GRM8: variants seen among roughly 807,000 people sequenced by gnomAD.
GRM8 encodes metabotropic glutamate receptor 8.
Under a neutral mutation model 87.2 loss-of-function variants are expected in GRM8, and 47 were observed. That is an observed-to-expected ratio of 0.54 (90% CI 0.43 to 0.69). GRM8 has a LOEUF of 0.69. GRM8 is among the 30% of genes least tolerant of loss of function. The pLI, the probability that GRM8 is intolerant of heterozygous loss-of-function variation, is 0.00. For missense variants in GRM8, 1,019 were observed against 1,139.2 expected, an observed-to-expected ratio of 0.89 and a Z score of 1.52; for synonymous variants, 396 against 404.5, an observed-to-expected ratio of 0.98 and a Z score of 0.25.
At chr7:126,977,789 G>A (rs1317946634) in intron 3 of GRM8, among the ~76,000 whole-genome samples, 2 of 152,182 alleles carry the variant, frequency 1.3e-5, no homozygotes, top group Admixed American at 1.3e-4. Context: ...TGTCCTGGAA[G>A]AAAATAGAGC....
chr7:126,918,379 T>G (rs1804154719), intron 3 of GRM8, among the ~76,000 whole-genome samples: 6 of 152,170 alleles, frequency 3.9e-5, no homozygotes, highest in Admixed American at 3.9e-4. Flanking sequence ...TCATTAAATA[T>G]GATGTAATAA....
At chr7:127,123,682 T>A (rs539120390) in intron 2 of GRM8, among the ~76,000 whole-genome samples, 2 of 152,330 alleles carry the variant, frequency 1.3e-5, no homozygotes, top group African/African-American at 4.8e-5. Context: ...GACAACTTTA[T>A]TATTCTGCCC....
At chr7:127,193,990 G>A (rs184129025) in intron 2 of GRM8, among the ~76,000 whole-genome samples, 136 of 152,254 alleles carry the variant, frequency 8.9e-4, no homozygotes, top group East Asian at 1.2e-3. Context: ...TCTCAAAGAT[G>A]AGCCACCCCT....
chr7:126,939,405 T>C (rs1311950191), intron 3 of GRM8, among the ~76,000 whole-genome samples: 1 of 152,202 alleles, frequency 6.6e-6, no homozygotes, highest in African/African-American at 2.4e-5. Flanking sequence ...TCTCCACATA[T>C]CTTTGAGACT....
chr7:126,920,960 G>A (rs940607922), intron 3 of GRM8, among the ~76,000 whole-genome samples: 8 of 152,020 alleles, frequency 5.3e-5, no homozygotes, highest in East Asian at 3.9e-4. Context: ...CCACCTGCTC[G>A]AGCTAAAGTA....
chr7:127,041,941 G>C (rs922701529), intron 3 of GRM8, among the ~76,000 whole-genome samples: 9 of 152,166 alleles, frequency 5.9e-5, no homozygotes, highest in African/African-American at 2.2e-4. Flanking sequence ...ATTGAGCTCT[G>C]TTTGGTTTCC....
rs28952007 is a variant in GRM8 at position 127,234,346 on chromosome 7, T to C, written c.510+8349A>G. Among the ~76,000 whole-genome samples, 245 of 152,348 alleles carry C rather than the reference T, an allele frequency of 1.6e-3. 4 individuals are homozygous for C. In the East Asian group the frequency reaches 0.044, roughly 27 times the overall value. ...CCTGACCCTACTTTAAGAAATTGTG[T>C]TTAAGTGACCATTGCACTGATCATT... On this transcript the variant is annotated intron_variant, in intron 2 of 10. Transcript: ENST00000339582.
intron 3 of GRM8, among the ~76,000 whole-genome samples, chr7:126,996,076 G>A (rs17862254): frequency 0.011 from 1,701 of 151,886 alleles, 35 homozygotes; most frequent in African/African-American, 0.039. Context: ...GGATAAAAAC[G>A]TTTTACCCTG....
chr7:127,032,975 G>T (rs1817518164), intron 3 of GRM8, among the ~76,000 whole-genome samples: 1 of 149,200 alleles, frequency 6.7e-6, no homozygotes, highest in Non-Finnish European at 1.5e-5. Context: ...TTAATCAGTG[G>T]ATCTCCAGAA....
At chr7:126,862,107 CTA>C (rs762548304) in intron 6 of GRM8, among the ~76,000 whole-genome samples, 1 of 151,896 alleles carries the variant, frequency 6.6e-6, no homozygotes, top group Non-Finnish European at 1.5e-5. Context: ...GATTCAATAT[CTA>C]TGTGTTTAAA....
At chr7:126,619,505 A>C (rs1036922549) in intron 7 of GRM8, among the ~76,000 whole-genome samples, 9 of 152,028 alleles carry the variant, frequency 5.9e-5, no homozygotes, top group African/African-American at 9.7e-5. Context: ...CTAGAACTTA[A>C]AGTATAATAA....
chr7:127,204,040 G>T (rs1795768652), intron 2 of GRM8, among the ~76,000 whole-genome samples: 1 of 152,076 alleles, frequency 6.6e-6, no homozygotes, highest in African/African-American at 2.4e-5. Context: ...ATGTATTATA[G>T]AATCTAACTG....
intron 10 of GRM8, among the ~76,000 whole-genome samples, chr7:126,440,773 G>A (rs766644134): frequency 2.6e-5 from 4 of 151,910 alleles, no homozygotes; most frequent in Non-Finnish European, 4.4e-5. Context: ...TGATGTTTGC[G>A]CAAAGACAAA....
intron 5 of GRM8, 149 bp from the exon 6 acceptor site, chr7:126,902,828 A>G: frequency 5.5e-6 from 3 of 544,904 alleles, no homozygotes; most frequent in Non-Finnish European, 9.4e-6. Flanking sequence ...GCCCATAAAT[A>G]AGGCCTCTCT....
chr7:127,090,317 A>G (rs1823932004), intron 3 of GRM8, among the ~76,000 whole-genome samples: 1 of 152,214 alleles, frequency 6.6e-6, no homozygotes. Flanking sequence ...GGTACCAATT[A>G]TGTGTTAAAT....
intron 1 of GRM8, among the ~76,000 whole-genome samples, chr7:127,251,748 C>G (rs1484606158): frequency 1.3e-5 from 2 of 151,682 alleles, no homozygotes; most frequent in Non-Finnish European, 2.9e-5. Flanking sequence ...CCGCGCCAGC[C>G]GCGGGAGCTA....
At chr7:126,734,597 A>C (rs2151490802) in intron 7 of GRM8, among the ~76,000 whole-genome samples, 1 of 151,950 alleles carries the variant, frequency 6.6e-6, no homozygotes, top group East Asian at 1.9e-4. Flanking sequence ...TGGCTATCAA[A>C]AACTCAAAAA....
At chr7:126,803,684 C>A (rs766447356) in intron 6 of GRM8, among the ~76,000 whole-genome samples, 1 of 152,138 alleles carries the variant, frequency 6.6e-6, no homozygotes, top group Non-Finnish European at 1.5e-5. Context: ...TAAACAAAGT[C>A]CTTAATTATC....
At chr7:126,958,568 A>G (rs917817588) in intron 3 of GRM8, among the ~76,000 whole-genome samples, 182 of 151,674 alleles carry the variant, frequency 1.2e-3, no homozygotes, top group African/African-American at 4.3e-3. Flanking sequence ...TTGTTCACAC[A>G]CCCCCTGCCA....
Sources: gnomAD v4.1 joint callset for allele counts (sites outside exome capture counted in the v4.1 genomes callset) on GRCh38, gnomAD v4.1.1 for gene constraint, MANE v1.5 for transcripts, NCBI Gene and HGNC (gene_info 2026-07-23, HGNC 2026-07-21) for gene names.